PPARGC1A: variants seen among roughly 807,000 people sequenced by gnomAD.
The protein encoded by PPARGC1A is PPARG coactivator 1 alpha.
In PPARGC1A, 25 loss-of-function variants were observed where a neutral mutation model predicts 88.7. The observed-to-expected ratio is 0.28, with a 90% CI of 0.21 to 0.39. PPARGC1A has a LOEUF of 0.39. PPARGC1A is among the 10% of genes least tolerant of loss of function. The pLI is 1.00. For synonymous variants in PPARGC1A, 363 were observed against 355.6 expected (o/e 1.02, Z -0.24); for missense variants, 880 against 968.7 (o/e 0.91, Z 1.22).
the PPARGC1A span, among the ~76,000 whole-genome samples, chr4:24,101,138 G>C: frequency 6.6e-6 from 1 of 152,168 alleles, no homozygotes; most frequent in African/African-American, 2.4e-5. Flanking sequence ...GAGGTGATTG[G>C]AACACGGAAG....
the PPARGC1A span, among the ~76,000 whole-genome samples, chr4:23,994,303 C>G: frequency 6.6e-6 from 1 of 152,036 alleles, no homozygotes; most frequent in African/African-American, 2.4e-5. Context: ...TTCTTTTGAT[C>G]CCTCCTGGAA....
chr4:24,045,695 C>A, the PPARGC1A span, among the ~76,000 whole-genome samples: 3 of 152,146 alleles, frequency 2.0e-5, no homozygotes. Flanking sequence ...TGCACTAATC[C>A]AGTATGACCT....
the PPARGC1A span, among the ~76,000 whole-genome samples, chr4:24,442,273 A>C: frequency 6.6e-6 from 1 of 152,194 alleles, no homozygotes; most frequent in Non-Finnish European, 1.5e-5. Context: ...ATTTCTAAAA[A>C]CTCAAAAAGA....
At chr4:24,271,046 G>A in the PPARGC1A span, among the ~76,000 whole-genome samples, 3 of 151,988 alleles carry the variant, frequency 2.0e-5, no homozygotes, top group Admixed American at 6.6e-5. Context: ...AATAAAAATC[G>A]CTGCCTTATA....
chr4:23,952,706 G>C, the PPARGC1A span, among the ~76,000 whole-genome samples: 3 of 152,044 alleles, frequency 2.0e-5, no homozygotes, highest in African/African-American at 7.2e-5. Flanking sequence ...TCCTCTCAGG[G>C]CCTTGGAAGG....
At chr4:23,859,192 G>A (rs1730763153) in intron 2 of PPARGC1A, among the ~76,000 whole-genome samples, 1 of 152,074 alleles carries the variant, frequency 6.6e-6, no homozygotes, top group African/African-American at 2.4e-5. Flanking sequence ...CTATTCTTTA[G>A]GTTGCCTCTG....
the PPARGC1A span, among the ~76,000 whole-genome samples, chr4:23,939,723 C>T: frequency 3.9e-4 from 60 of 152,318 alleles, no homozygotes; most frequent in East Asian, 9.7e-3. Flanking sequence ...ACTATGCAGA[C>T]ACTAATGCTG....
At chr4:24,192,619 T>A in the PPARGC1A span, among the ~76,000 whole-genome samples, 1 of 152,232 alleles carries the variant, frequency 6.6e-6, no homozygotes, top group Non-Finnish European at 1.5e-5. Flanking sequence ...ATGATATAAG[T>A]AATGACATAT....
At chr4:23,865,260 C>G (rs1196419533) in intron 2 of PPARGC1A, among the ~76,000 whole-genome samples, 1 of 152,124 alleles carries the variant, frequency 6.6e-6, no homozygotes, top group African/African-American at 2.4e-5. Flanking sequence ...TATCCTTGAA[C>G]ATGGCAATGT....
the PPARGC1A span, among the ~76,000 whole-genome samples, chr4:24,383,416 A>G: frequency 1.3e-5 from 2 of 152,310 alleles, no homozygotes; most frequent in Admixed American, 6.5e-5. Context: ...GGTAGGTAAT[A>G]ACAAACTCCT....
chr4:23,927,271 C>A, the PPARGC1A span, among the ~76,000 whole-genome samples: 1 of 152,230 alleles, frequency 6.6e-6, no homozygotes, highest in South Asian at 2.1e-4. Flanking sequence ...TGAATGTATA[C>A]CACTTTTACA....
the PPARGC1A span, among the ~76,000 whole-genome samples, chr4:24,058,017 T>C: frequency 5.3e-4 from 80 of 152,324 alleles, no homozygotes; most frequent in Non-Finnish European, 7.2e-4. Flanking sequence ...AGCAACCTGC[T>C]GGAAACAGCC....
chr4:23,824,095 A>G (rs767711756), intron 7 of PPARGC1A, among the ~76,000 whole-genome samples, 185 bp downstream of exon 7: 22 of 143,882 alleles, frequency 1.5e-4, no homozygotes, highest in Non-Finnish European at 2.8e-4. Flanking sequence ...AAGCGCTTCA[A>G]TATTTTTTAT....
At chr4:24,172,847 C>T in the PPARGC1A span, among the ~76,000 whole-genome samples, 1 of 152,178 alleles carries the variant, frequency 6.6e-6, no homozygotes, top group Admixed American at 6.5e-5. Flanking sequence ...TTTACATCAG[C>T]CCTCTTGGCG....
chr4:24,082,407 C>A, the PPARGC1A span, among the ~76,000 whole-genome samples: 1 of 152,160 alleles, frequency 6.6e-6, no homozygotes, highest in Non-Finnish European at 1.5e-5. Context: ...CACCACATGG[C>A]TTTTTCCCTC....
chr4:24,129,927 T>G, the PPARGC1A span, among the ~76,000 whole-genome samples: 1 of 151,826 alleles, frequency 6.6e-6, no homozygotes, highest in Admixed American at 6.6e-5. Context: ...ATGTTCTCAC[T>G]CATAGGTGGG....
the PPARGC1A span, among the ~76,000 whole-genome samples, chr4:24,351,354 A>G: frequency 6.6e-6 from 1 of 151,146 alleles, no homozygotes. Flanking sequence ...CTGTGATCAC[A>G]CCACTGTTCC....
intron 10 of PPARGC1A, among the ~76,000 whole-genome samples, chr4:23,805,777 G>C (rs1164492731): frequency 6.6e-6 from 1 of 152,088 alleles, no homozygotes; most frequent in Non-Finnish European, 1.5e-5. Context: ...CTACTGTATA[G>C]AGAGGAGGGG....
the PPARGC1A span, among the ~76,000 whole-genome samples, chr4:24,343,749 CT>C: frequency 8.8e-4 from 129 of 146,722 alleles, no homozygotes; most frequent in African/African-American, 1.5e-3. Flanking sequence ...TGGGGAAATG[CT>C]TTTTTTTTTT....
Sources: allele counts gnomAD v4.1 joint callset (sites outside exome capture counted in the v4.1 genomes callset), GRCh38; gene constraint gnomAD v4.1.1; transcripts MANE v1.5; gene names NCBI Gene and HGNC (gene_info 2026-07-23, HGNC 2026-07-21).